Variants in HNF4A observed in about 807,000 individuals in gnomAD.
The protein encoded by HNF4A is hepatocyte nuclear factor 4 alpha, also known as hepatocyte nuclear factor 4-alpha.
In HNF4A, 15 loss-of-function variants were observed where a neutral mutation model predicts 52.4. The ratio of observed to expected loss-of-function variants is 0.29; its 90% CI spans 0.19 to 0.44. The LOEUF is 0.44. Ranked by LOEUF, HNF4A falls within the 20% of genes least tolerant of loss-of-function variation. The probability of loss-of-function intolerance (pLI) is 1.00; values close to 1 mark genes in which losing one functional copy is unlikely to be tolerated. For missense variants in HNF4A, 479 were observed against 647.2 expected (o/e 0.74, Z 2.82); for synonymous variants, 280 against 264.4 (o/e 1.06, Z -0.57).
chr20:44,357,808 C>G (rs2062874370), intron 1 of HNF4A, among the ~76,000 whole-genome samples: 1 of 151,298 alleles, frequency 6.6e-6, no homozygotes, highest in Admixed American at 6.6e-5. Flanking sequence ...ATTGTAATCT[C>G]CAAGGACAGA....
At chr20:44,381,622 T>C (rs2063155200) in intron 1 of HNF4A, among the ~76,000 whole-genome samples, 1 of 151,696 alleles carries the variant, frequency 6.6e-6, no homozygotes, top group African/African-American at 2.4e-5. Flanking sequence ...TTTGTTGCCT[T>C]TTTTTTGAGA....
intron 1 of HNF4A, among the ~76,000 whole-genome samples, chr20:44,373,423 C>CT (rs2063053707): frequency 6.6e-6 from 1 of 152,196 alleles, no homozygotes; most frequent in Non-Finnish European, 1.5e-5. Context: ...ATCCTTCCAA[C>CT]TCAGCCTCCC....
chr20:44,423,335 T>C (rs2063773037), intron 7 of HNF4A, among the ~76,000 whole-genome samples: 1 of 151,682 alleles, frequency 6.6e-6, no homozygotes, highest in Admixed American at 6.6e-5. Context: ...TAAAATAAAA[T>C]AAAAATGGCA....
intron 7 of HNF4A, among the ~76,000 whole-genome samples, chr20:44,423,704 G>C (rs552902183): frequency 2.0e-5 from 3 of 152,306 alleles, no homozygotes; most frequent in Admixed American, 6.5e-5. Context: ...ACTGTGTCTG[G>C]GTTTCCCCGT....
intron 4 of HNF4A, among the ~76,000 whole-genome samples, 199 bp from the exon 5 acceptor site, chr20:44,414,308 G>A (rs1464914766): frequency 1.3e-5 from 2 of 152,188 alleles, no homozygotes; most frequent in South Asian, 2.1e-4. Flanking sequence ...ACAGGTGAAG[G>A]CACAGAGGGA....
chr20:44,428,329 C>T lies in HNF4A; in HGVS notation c.1130-6C>T. ...CTCCATCCTGATCGACCTTCTCTACCTGCAGGGTCCCCCAGCGATGCACCC... is the reference window on the plus strand; with the variant it reads ...CTCCATCCTGATCGACCTTCTCTACTTGCAGGGTCCCCCAGCGATGCACCC... On this transcript the variant is annotated splice_polypyrimidine_tract_variant and splice_region_variant and intron_variant, in intron 8 of 9. Transcript: ENST00000316099. 3 of 1,613,914 alleles carry T rather than the reference C, an allele frequency of 1.9e-6. No individual in the cohort carries two copies. Among genetic ancestry groups the T allele is most frequent in the Non-Finnish European group, 2.5e-6 (3 of 1,179,950 alleles).
At chr20:44,427,938 T>C (rs2063831345) in intron 8 of HNF4A, among the ~76,000 whole-genome samples, 2 of 152,088 alleles carry the variant, frequency 1.3e-5, no homozygotes, top group African/African-American at 4.8e-5. Context: ...GCAGCAGAGA[T>C]GTGGGGGATG....
At chr20:44,396,376 G>C (rs547349907), upstream of HNF4A, among the ~76,000 whole-genome samples, 100 of 152,258 alleles carry the variant, frequency 6.6e-4, no homozygotes, top group African/African-American at 2.4e-3. Flanking sequence ...GTGGTTCGTA[G>C]TGGCAGCTCC....
chr20:44,368,863 T>C (rs77207458), intron 1 of HNF4A, among the ~76,000 whole-genome samples: 1,757 of 152,292 alleles, frequency 0.012, 47 homozygotes, highest in African/African-American at 0.041. Context: ...ATAGGATCTT[T>C]CTTACTAGCA....
At chr20:44,379,995 G>T (rs931629947) in intron 1 of HNF4A, among the ~76,000 whole-genome samples, 1 of 152,134 alleles carries the variant, frequency 6.6e-6, no homozygotes, top group African/African-American at 2.4e-5. Flanking sequence ...GCCTCCCAAA[G>T]TGCTGGGATT....
Position 44,429,803 on chromosome 20 carries a change from G to C in HNF4A, c.*138G>C, listed in dbSNP as rs189021164. Reference sequence around the variant, plus strand: ...CAGGAATGGGAAGGATGAAGGGCCCGAGAACATGGCCTAAGGGCCACATCC... The same window carrying C: ...CAGGAATGGGAAGGATGAAGGGCCCCAGAACATGGCCTAAGGGCCACATCC... On this transcript the variant is annotated 3_prime_UTR_variant, in exon 10 of 10. Transcript: ENST00000316099. 1 of 894,050 alleles carries C rather than the reference G, an allele frequency of 1.1e-6. No homozygotes were observed. Among genetic ancestry groups the C allele is most frequent in the African/African-American group, 1.7e-5 (1 of 60,042 alleles). 55.4% of individuals were successfully genotyped at this position (894,050 alleles called of 1,614,324 possible).
chr20:44,392,547 T>C (rs939600147), intron 1 of HNF4A, among the ~76,000 whole-genome samples: 1 of 152,206 alleles, frequency 6.6e-6, no homozygotes, highest in African/African-American at 2.4e-5. Context: ...TCTCACTATG[T>C]TGCCCAGGCT....
chr20:44,401,319 T>C lies in HNF4A; in HGVS notation c.-54T>C. On this transcript the variant is annotated 5_prime_UTR_variant, in exon 1 of 10. Transcript: ENST00000316099. Reference sequence around the variant, plus strand: ...AGTGGGAGGGCGGAGGGCGGGGGCCTTCGGGGTGGGCGCCCAGGGTAGGGC... The same window carrying C: ...AGTGGGAGGGCGGAGGGCGGGGGCCCTCGGGGTGGGCGCCCAGGGTAGGGC... The C allele has an allele frequency of 6.2e-7, 1 of 1,611,926 alleles. No homozygotes were observed. Among genetic ancestry groups the C allele is most frequent in the Non-Finnish European group, 8.5e-7 (1 of 1,179,408 alleles).
intron 3 of HNF4A, among the ~76,000 whole-genome samples, chr20:44,413,468 G>C (rs1013284355): frequency 1.3e-5 from 2 of 152,070 alleles, no homozygotes; most frequent in Admixed American, 1.3e-4. Context: ...CTGCTGATGG[G>C]TGGATCACTC....
At chr20:44,407,801 A>C (rs1399071321) in intron 3 of HNF4A, among the ~76,000 whole-genome samples, 1 of 138,634 alleles carries the variant, frequency 7.2e-6, no homozygotes, top group Non-Finnish European at 1.6e-5. Flanking sequence ...GTTTAATATA[A>C]TATTTCGAAC....
chr20:44,408,898 C>T (rs1370192661), intron 3 of HNF4A, among the ~76,000 whole-genome samples: 1 of 151,964 alleles, frequency 6.6e-6, no homozygotes, highest in Non-Finnish European at 1.5e-5. Flanking sequence ...ACACCCCTCA[C>T]CCCCATCACC....
In HNF4A at chr20:44,407,447, A is replaced by G. The variant is rs766365045; in HGVS notation, c.357A>G (p.Lys119=). The G allele has an allele frequency of 3.2e-5, 52 of 1,607,390 alleles. No homozygotes were observed. The South Asian group carries it at 5.5e-4, about 17-fold the overall frequency. Residue 119 remains lysine, a synonymous_variant, in exon 3 of 10, where the codon AAA becomes AAG. Transcript: ENST00000316099. ...AGTGCCGCTACTGCAGGCTCAAGAA[A>G]TGCTTCCGGGCTGGCATGAAGAAGG...
chr20:44,405,986 C>G, intron 1 of HNF4A, 72 bp from the exon 2 acceptor site: 1 of 1,437,184 alleles, frequency 7.0e-7, no homozygotes, highest in Non-Finnish European at 9.7e-7. Context: ...CTGGAGAGAT[C>G]CCCGCAAGGC....
chr20:44,410,180 G>C (rs953836728), intron 3 of HNF4A, among the ~76,000 whole-genome samples: 4 of 152,226 alleles, frequency 2.6e-5, no homozygotes, highest in African/African-American at 7.2e-5. Context: ...CCCTTACTAG[G>C]CTCCTGGAAG....
Sources: gnomAD v4.1 joint callset for allele counts (sites outside exome capture counted in the v4.1 genomes callset) on GRCh38, gnomAD v4.1.1 for gene constraint, MANE v1.5 for transcripts, NCBI Gene and HGNC (gene_info 2026-07-23, HGNC 2026-07-21) for gene names.